CALD1: variants seen among roughly 807,000 people sequenced by gnomAD.
CALD1 encodes caldesmon.
In CALD1, 33 loss-of-function variants were observed where a neutral mutation model predicts 99.9. The observed-to-expected ratio is 0.33, with a 90% CI of 0.25 to 0.44. The LOEUF (loss-of-function observed/expected upper bound fraction) is 0.44. CALD1 is among the 20% of genes least tolerant of loss of function. CALD1 has a pLI of 1.00. For missense variants in CALD1, 861 were observed against 962.1 expected (o/e 0.89, Z 1.39); for synonymous variants, 310 against 325.0 (o/e 0.95, Z 0.50).
chr7:134,751,174 T>C (rs1585897347), intron 1 of CALD1, among the ~76,000 whole-genome samples: 1 of 152,228 alleles, frequency 6.6e-6, no homozygotes, highest in Non-Finnish European at 1.5e-5. Context: ...TTAACTTCCA[T>C]AAGCCTCATT....
intron 1 of CALD1, among the ~76,000 whole-genome samples, chr7:134,802,970 T>C (rs1798002787): frequency 6.6e-6 from 1 of 152,238 alleles, no homozygotes; most frequent in Admixed American, 6.5e-5. Context: ...ATTGCCAAAC[T>C]GTTCACTGCG....
the CALD1 span, among the ~76,000 whole-genome samples, chr7:134,722,523 C>A: frequency 6.6e-6 from 1 of 152,062 alleles, no homozygotes; most frequent in African/African-American, 2.4e-5. Context: ...CAGGTTCAAG[C>A]GATTCTCCTG....
At chr7:134,911,272 C>CA in intron 3 of CALD1, among the ~76,000 whole-genome samples, 1 of 149,610 alleles carries the variant, frequency 6.7e-6, no homozygotes, top group Non-Finnish European at 1.5e-5. Flanking sequence ...GCGAGCCCTG[C>CA]AGCCCATAGC....
intron 1 of CALD1, among the ~76,000 whole-genome samples, chr7:134,768,868 CTA>C (rs1188446805): frequency 6.6e-6 from 1 of 152,004 alleles, no homozygotes; most frequent in African/African-American, 2.4e-5. Flanking sequence ...TGGCCAACAA[CTA>C]TCTTAAATTT....
intron 2 of CALD1, among the ~76,000 whole-genome samples, chr7:134,855,886 A>G (rs1800278077): frequency 6.6e-6 from 1 of 152,230 alleles, no homozygotes; most frequent in Non-Finnish European, 1.5e-5. Flanking sequence ...TTTTAATTTG[A>G]CAAGCTAGGT....
At chr7:134,800,483 A>G (rs1797901330) in intron 1 of CALD1, among the ~76,000 whole-genome samples, 1 of 152,120 alleles carries the variant, frequency 6.6e-6, no homozygotes, top group Non-Finnish European at 1.5e-5. Context: ...CTTAATACAC[A>G]TAAGTTTATG....
chr7:134,958,997 A>T (rs1428391239), intron 11 of CALD1, among the ~76,000 whole-genome samples: 1 of 148,448 alleles, frequency 6.7e-6, no homozygotes, highest in Non-Finnish European at 1.5e-5. Context: ...CCTTCTTTGC[A>T]CCCCCAAACT....
Position 134,958,889 on chromosome 7 carries a change from A to ATATATATATATTTAAC in CALD1, c.2061+610_2061+611insTTAACTATATATATAT, listed in dbSNP as rs1554479125. Among the ~76,000 whole-genome samples the ATATATATATATTTAAC allele has an allele frequency of 1.2e-4, 17 of 140,108 alleles. 1 individual carries two copies. The highest frequency in any genetic ancestry group is 2.2e-4 in the South Asian group (1 of 4,532). The allele number at this position is 140,108 out of a possible 152,430, so 91.9% of individuals were successfully genotyped here. A position where few individuals can be genotyped will look rare whatever the true frequency, so the allele number is the denominator to read the frequency against. The stretch of plus-strand genomic sequence containing the variant: ...GGTATTTAAATATATATATATATAT[A>ATATATATATATTTAAC]TATATATATATATATATATATTTAA... On this transcript the variant is annotated intron_variant, in intron 11 of 14. Transcript: ENST00000361675.
chr7:134,778,299 G>A (rs1796965917), upstream of CALD1, among the ~76,000 whole-genome samples: 1 of 152,222 alleles, frequency 6.6e-6, no homozygotes, highest in Non-Finnish European at 1.5e-5. Context: ...TCTAAAAGAG[G>A]CACAAAGGGC....
chr7:134,911,822 G>C (rs543926628), intron 3 of CALD1, among the ~76,000 whole-genome samples: 22 of 152,306 alleles, frequency 1.4e-4, no homozygotes, highest in African/African-American at 4.6e-4. Flanking sequence ...TGCTAAAAAT[G>C]TATAAAACTT....
At chr7:134,712,718 C>T in the CALD1 span, among the ~76,000 whole-genome samples, 1 of 152,162 alleles carries the variant, frequency 6.6e-6, no homozygotes, top group African/African-American at 2.4e-5. Context: ...AGGGATTCTT[C>T]CTACCATAAG....
chr7:134,786,520 A>G (rs2131719948), intron 1 of CALD1, among the ~76,000 whole-genome samples: 1 of 152,148 alleles, frequency 6.6e-6, no homozygotes, highest in East Asian at 1.9e-4. Flanking sequence ...AAAATTATGT[A>G]TGTATTTGTA....
chr7:134,921,775 C>T (rs1586312564), intron 3 of CALD1, among the ~76,000 whole-genome samples: 2 of 152,154 alleles, frequency 1.3e-5, no homozygotes, highest in South Asian at 2.1e-4. Context: ...TGGGCCACTG[C>T]ACTCCAGTGA....
intron 9 of CALD1, among the ~76,000 whole-genome samples, chr7:134,952,502 G>C (rs928791232): frequency 3.4e-5 from 5 of 144,950 alleles, no homozygotes; most frequent in Non-Finnish European, 7.5e-5. Flanking sequence ...ATAGAGTCTC[G>C]CTGTGTTGCC....
At chr7:134,713,612 T>TC in the CALD1 span, among the ~76,000 whole-genome samples, 6 of 151,878 alleles carry the variant, frequency 4.0e-5, no homozygotes, top group East Asian at 1.2e-3. Flanking sequence ...ACATAATAAA[T>TC]CCCCCCTAGG....
chr7:134,721,096 T>G, the CALD1 span, among the ~76,000 whole-genome samples: 1 of 152,128 alleles, frequency 6.6e-6, no homozygotes, highest in Non-Finnish European at 1.5e-5. Context: ...GTTCCTGATA[T>G]TCGCTATAGG....
intron 9 of CALD1, 102 bp from the exon 10 acceptor site, chr7:134,957,967 C>A (rs146254753): frequency 2.8e-5 from 23 of 828,696 alleles, no homozygotes; most frequent in Non-Finnish European, 4.6e-5. Context: ...ATATGCTCTT[C>A]GGTGTGTTTA....
rs1432830090 is a variant in CALD1 at position 134,933,140 on chromosome 7, C to G, written c.371C>G (p.Thr124Arg). 1 of 1,613,428 alleles carries G rather than the reference C, an allele frequency of 6.2e-7. No individual in the cohort carries two copies. The highest frequency in any genetic ancestry group is 1.1e-5 in the South Asian group (1 of 90,990). Residue 124 changes from threonine (T) to arginine (R), a missense_variant, in exon 5 of 15, where the codon ACA (threonine) becomes AGA (arginine). Physicochemically the swap from Thr to Arg is moderately conservative, Grantham distance 71. This residue lies in a region of CALD1 where 234 missense variants were observed against 233.1 expected (regional missense o/e 1.00). Transcript: ENST00000361675. The part of the protein sequence containing the change: ...ALERQKEFDP[T>R]ITDASLSLPS... ...GAGCGGCAGAAGGAGTTCGACCCAA[C>G]AATAACAGATGCAAGTCTGTCGCTC...
At chr7:134,796,447 A>G (rs1015121628) in intron 1 of CALD1, among the ~76,000 whole-genome samples, 2 of 152,226 alleles carry the variant, frequency 1.3e-5, no homozygotes, top group African/African-American at 4.8e-5. Flanking sequence ...GATAGAAATC[A>G]TATATTCATA....
Sources: allele counts gnomAD v4.1 joint callset (sites outside exome capture counted in the v4.1 genomes callset), GRCh38; gene constraint gnomAD v4.1.1; regional missense constraint gnomAD v4.1.1; transcripts MANE v1.5; gene names NCBI Gene and HGNC (gene_info 2026-07-23, HGNC 2026-07-21).